AACS: variants seen among roughly 807,000 people sequenced by gnomAD.
AACS encodes the protein acetoacetate-CoA ligase.
A neutral mutation model predicts 83.1 loss-of-function variants in AACS; 69 were observed. That is an observed-to-expected ratio of 0.83 (90% CI 0.68 to 1.01). The LOEUF (loss-of-function observed/expected upper bound fraction) is 1.01, where lower values mean the gene tolerates loss of function less well. Among genes scored for constraint, AACS ranks in the 50% least tolerant of loss-of-function variants. AACS has a pLI of 0.00. For missense variants in AACS, 866 were observed against 882.2 expected (o/e 0.98, Z 0.23); for synonymous variants, 333 against 343.4 (o/e 0.97, Z 0.33).
chr12:125,133,183 G>T (rs763457235), intron 14 of AACS, among the ~76,000 whole-genome samples: 1 of 152,182 alleles, frequency 6.6e-6, no homozygotes, highest in Non-Finnish European at 1.5e-5. Flanking sequence ...GTGTCAGCAG[G>T]AGGAGGCCCC....
chr12:125,124,771 TG>T lies in AACS; in HGVS notation c.1186+3del, dbSNP rs1400742713. ...TGGAAGAGAAGGCCATGAAGCCGGG[TG>T]AGTGTGCCTCTTCAGTACTCATTCC... On this transcript the variant is annotated splice_donor_region_variant and intron_variant, in intron 11 of 17. Coordinates refer to ENST00000316519, the MANE Select transcript of AACS (RefSeq NM_023928.5). 1.9e-6 allele frequency: 3 copies of T among 1,614,148 alleles called. No individual in the cohort carries two copies. The highest frequency in any genetic ancestry group is 4.5e-5 in the East Asian group (2 of 44,888).
intron 1 of AACS, among the ~76,000 whole-genome samples, chr12:125,066,704 C>T (rs1303353911): frequency 3.3e-5 from 5 of 152,116 alleles, no homozygotes; most frequent in Non-Finnish European, 7.4e-5. Context: ...TCGCCTTGGC[C>T]TCCCAAAGTG....
chr12:125,085,494 G>A (rs1003468762), intron 3 of AACS, among the ~76,000 whole-genome samples: 1 of 151,532 alleles, frequency 6.6e-6, no homozygotes, highest in Non-Finnish European at 1.5e-5. Flanking sequence ...ACACATGCAC[G>A]TTGCATCCAC....
rs529895706 is a variant in AACS, at chr12:125,116,390, C to T, written c.996+1833C>T. 5.6e-4 allele frequency among the ~76,000 whole-genome samples: 85 copies of T among 152,294 alleles called. No individual in the cohort carries two copies. In the South Asian group the frequency reaches 0.013, roughly 23 times the overall value. On this transcript the variant is annotated intron_variant, in intron 9 of 17. Transcript: ENST00000316519. Reference sequence around the variant, plus strand: ...TTCATTTTTACTGGAAGGATCCTGTCCACTAAGAATCAGGCAGTTAGATTT... The same window carrying T: ...TTCATTTTTACTGGAAGGATCCTGTTCACTAAGAATCAGGCAGTTAGATTT...
intron 4 of AACS, chr12:125,091,126 C>T (rs1216183220): frequency 2.4e-6 from 1 of 421,356 alleles, no homozygotes; most frequent in African/African-American, 2.0e-5. Context: ...ATTAGGACAA[C>T]TGAGGAGTCG....
chr12:125,114,500 G>T lies in AACS; in HGVS notation c.939G>T (p.Lys313Asn). ...AGGGCACCCTCATCCAGCATCTGAA[G>T]GAGCACCTGCTGCACGGCAACATGA... ...SAGGTLIQHL[K>N]EHLLHGNMTS... The change falls in exon 9 of 18, where the codon AAG (lysine) becomes AAT (asparagine). Residue 313 changes from lysine to asparagine, a missense_variant. Coordinates refer to ENST00000316519, the MANE Select transcript of AACS (RefSeq NM_023928.5). 6.2e-7 allele frequency: 1 copy of T among 1,613,364 alleles called. No homozygotes were observed.
At position 125,076,555 on chromosome 12, in the gene AACS, A is replaced by G. The variant is rs752483354; in HGVS notation, c.302A>G (p.Tyr101Cys). 2 of 1,614,214 alleles carry G rather than the reference A, an allele frequency of 1.2e-6. No homozygotes were observed. The highest frequency in any genetic ancestry group is 1.7e-6 in the Non-Finnish European group (2 of 1,180,038). The change falls in exon 3 of 18, where the codon TAT becomes TGT. Residue 101 changes from tyrosine (Y) to cysteine (C), a missense_variant. Tyr to Cys is a radical substitution (Grantham distance 194). Transcript: ENST00000316519. ...TGGTTCAAAGGCAGTCGGCTCAACT[A>G]TGCAGAAAACCTCCTGCGGCACAAA... ...PEWFKGSRLN[Y>C]AENLLRHKEN...
chr12:125,098,022 T>A (rs1185197458), intron 5 of AACS, among the ~76,000 whole-genome samples: 1 of 152,236 alleles, frequency 6.6e-6, no homozygotes, highest in Admixed American at 6.5e-5. Context: ...TACACCTTTT[T>A]ATCTTTTTCT....
In AACS at chr12:125,124,692, G is replaced by A. The variant is rs773297852; in HGVS notation, c.1122-13G>A. 67 of 1,613,304 alleles carry A rather than the reference G, an allele frequency of 4.2e-5. No individual in the cohort carries two copies. The highest frequency in any genetic ancestry group is 1.8e-4 in the Middle Eastern group (1 of 5,600). On this transcript the variant is annotated splice_polypyrimidine_tract_variant and intron_variant, in intron 10 of 17. Coordinates refer to ENST00000316519, the MANE Select transcript of AACS (RefSeq NM_023928.5). ...AAGAGTTTCTGGTGTTTTCTTTCCC[G>A]CCTGCACCCTAGCATCACTGTCCTG...
chr12:125,087,721 G>A lies in AACS; in HGVS notation c.472+1278G>A, dbSNP rs566300494. On this transcript the variant is annotated intron_variant, in intron 4 of 17. Coordinates refer to ENST00000316519, the MANE Select transcript of AACS (RefSeq NM_023928.5). ...TGCAAAGAGGCAGGAGGAGCTGGGC[G>A]GCCTTGTCATCTATAAGTGCAGTAA... Among the ~76,000 whole-genome samples, 3 of 152,348 alleles carry A rather than the reference G, an allele frequency of 2.0e-5. No individual in the cohort carries two copies. The South Asian group carries it at 6.2e-4, about 32-fold the overall frequency.
chr12:125,093,500 A>G (rs550217087), intron 5 of AACS, among the ~76,000 whole-genome samples: 1 of 152,330 alleles, frequency 6.6e-6, no homozygotes, highest in African/African-American at 2.4e-5. Flanking sequence ...GGAGGGATGC[A>G]TGGCTCTGTA....
intron 4 of AACS, 108 bp downstream of exon 4, chr12:125,086,551 A>G (rs1484849028): frequency 1.5e-5 from 15 of 1,003,928 alleles, no homozygotes; most frequent in Admixed American, 8.8e-5. Flanking sequence ...GTCATATTAC[A>G]TGGAACCTTG....
intron 3 of AACS, among the ~76,000 whole-genome samples, chr12:125,079,750 C>T (rs1382494212): frequency 1.3e-5 from 2 of 152,126 alleles, no homozygotes; most frequent in Non-Finnish European, 2.9e-5. Context: ...TTAAAGCCTG[C>T]AGCTCAGTGG....
At chr12:125,089,022 C>T (rs773357343) in intron 4 of AACS, among the ~76,000 whole-genome samples, 5 of 152,168 alleles carry the variant, frequency 3.3e-5, no homozygotes, top group Non-Finnish European at 7.3e-5. Flanking sequence ...CCAGGGTTGG[C>T]GTCTGATGTA....
intron 8 of AACS, among the ~76,000 whole-genome samples, chr12:125,111,901 AGAG>A (rs112875959): frequency 0.053 from 8,014 of 152,280 alleles, 285 homozygotes; most frequent in African/African-American, 0.096. Flanking sequence ...AATTCTTGAG[AGAG>A]GAGGAGGGCC....
intron 17 of AACS, 36 bp downstream of exon 17, chr12:125,136,900 C>T: frequency 1.9e-6 from 3 of 1,602,516 alleles, no homozygotes; most frequent in Non-Finnish European, 2.6e-6. Context: ...AGACCGCAGC[C>T]ATCGCCCCAC....
At chr12:125,126,004 T>C (rs1307347057) in intron 12 of AACS, 1 of 151,786 alleles carries the variant, frequency 6.6e-6, no homozygotes, top group Non-Finnish European at 1.5e-5. Flanking sequence ...TCACCCAGGC[T>C]GGAGTGCAGT....
chr12:125,105,549 T>A (rs1956816232), intron 7 of AACS: 1 of 152,240 alleles, frequency 6.6e-6, no homozygotes. Context: ...GCCCCCTGGT[T>A]GGCCTGGCTA....
rs1448331039 is a variant in AACS, at chr12:125,124,697, C to T, written c.1122-8C>T. ...TTTCTGGTGTTTTCTTTCCCGCCTG[C>T]ACCCTAGCATCACTGTCCTGGTAAC... On this transcript the variant is annotated splice_region_variant and splice_polypyrimidine_tract_variant and intron_variant, in intron 10 of 17. Transcript: ENST00000316519. The T allele has an allele frequency of 1.2e-6, 2 of 1,613,664 alleles. No homozygotes were observed. Among genetic ancestry groups the T allele is most frequent in the African/African-American group, 1.3e-5 (1 of 75,038 alleles).
Sources: gnomAD v4.1 joint callset for allele counts (sites outside exome capture counted in the v4.1 genomes callset) on GRCh38, gnomAD v4.1.1 for gene constraint, MANE v1.5 for transcripts, NCBI Gene and HGNC (gene_info 2026-07-23, HGNC 2026-07-21) for gene names.